EDN1: variants seen among roughly 807,000 people sequenced by gnomAD.
The protein encoded by EDN1 is endothelin-1.
A neutral mutation model predicts 21.7 loss-of-function variants in EDN1; 11 were observed. The observed-to-expected ratio is 0.51, with a 90% CI of 0.32 to 0.84. EDN1 has a LOEUF of 0.84. EDN1 is among the 40% of genes least tolerant of loss of function. The pLI is 0.03. For missense variants in EDN1, 244 were observed against 262.3 expected (o/e 0.93, Z 0.48); for synonymous variants, 85 against 90.6 (o/e 0.94, Z 0.35).
chr6:12,258,005 T>C, the EDN1 span, among the ~76,000 whole-genome samples: 1 of 152,056 alleles, frequency 6.6e-6, no homozygotes, highest in African/African-American at 2.4e-5. Flanking sequence ...TATTTGCACA[T>C]GAGGAGTGCA....
chr6:12,256,880 T>G, the EDN1 span, among the ~76,000 whole-genome samples: 1 of 152,242 alleles, frequency 6.6e-6, no homozygotes, highest in South Asian at 2.1e-4. Context: ...AAGCTGTGAC[T>G]ATTTCAGGAG....
At chr6:12,273,173 C>G in the EDN1 span, among the ~76,000 whole-genome samples, 7 of 152,304 alleles carry the variant, frequency 4.6e-5, no homozygotes, top group Admixed American at 2.6e-4. Context: ...CAGAGGAGGC[C>G]TCCCCAGGAA....
At chr6:12,230,626 G>C in the EDN1 span, among the ~76,000 whole-genome samples, 1 of 152,156 alleles carries the variant, frequency 6.6e-6, no homozygotes. Flanking sequence ...CCTGTTTACA[G>C]GATAAGGGCT....
chr6:12,256,943 G>T, the EDN1 span, among the ~76,000 whole-genome samples: 4 of 152,124 alleles, frequency 2.6e-5, no homozygotes, highest in Non-Finnish European at 5.9e-5. Context: ...ATTAAAGGCA[G>T]AATAGCACAT....
the EDN1 span, among the ~76,000 whole-genome samples, chr6:12,261,745 G>A: frequency 6.6e-6 from 1 of 152,170 alleles, no homozygotes; most frequent in African/African-American, 2.4e-5. Flanking sequence ...AGGCGGCGGC[G>A]CATGTATTTA....
the EDN1 span, among the ~76,000 whole-genome samples, chr6:12,240,001 G>A: frequency 6.6e-6 from 1 of 152,264 alleles, no homozygotes; most frequent in South Asian, 2.1e-4. Context: ...TGGAACAGAG[G>A]TTATAAAGTA....
chr6:12,259,182 G>C, the EDN1 span, among the ~76,000 whole-genome samples: 1 of 151,850 alleles, frequency 6.6e-6, no homozygotes, highest in Admixed American at 6.6e-5. Context: ...ACTGGCTAAT[G>C]CATTAAATCA....
At chr6:12,238,147 G>GGGT in the EDN1 span, among the ~76,000 whole-genome samples, 30 of 149,534 alleles carry the variant, frequency 2.0e-4, no homozygotes, top group Middle Eastern at 3.4e-3. Context: ...ACTCCAGCCT[G>GGGT]GGTGACAGGG....
the EDN1 span, among the ~76,000 whole-genome samples, chr6:12,265,852 A>C: frequency 6.6e-6 from 1 of 152,214 alleles, no homozygotes; most frequent in Non-Finnish European, 1.5e-5. Context: ...CAGAACATAC[A>C]TGAATGGGGA....
At chr6:12,245,950 C>T in the EDN1 span, among the ~76,000 whole-genome samples, 2 of 152,174 alleles carry the variant, frequency 1.3e-5, no homozygotes, top group Non-Finnish European at 2.9e-5. Context: ...ACAGAATCTC[C>T]TCTGTGTGTC....
At chr6:12,245,397 AG>A in the EDN1 span, among the ~76,000 whole-genome samples, 2 of 152,236 alleles carry the variant, frequency 1.3e-5, no homozygotes, top group Non-Finnish European at 2.9e-5. Flanking sequence ...TTGGCCAGCC[AG>A]ACTCAGCAAA....
chr6:12,235,220 C>T, the EDN1 span, among the ~76,000 whole-genome samples: 1 of 152,176 alleles, frequency 6.6e-6, no homozygotes. Context: ...TTCTAAAGTA[C>T]AGCGCAATTG....
the EDN1 span, among the ~76,000 whole-genome samples, chr6:12,267,355 T>C: frequency 6.6e-6 from 1 of 152,208 alleles, no homozygotes; most frequent in Non-Finnish European, 1.5e-5. Context: ...AGGAGTAATT[T>C]TGACTTTCAA....
At chr6:12,292,314 C>T in intron 1 of EDN1, 27 bp from the exon 2 acceptor site, 1 of 1,612,780 alleles carries the variant, frequency 6.2e-7, no homozygotes, top group Non-Finnish European at 8.5e-7. Flanking sequence ...GAGACATCCC[C>T]CACTGACCTG....
chr6:12,238,058 G>C, the EDN1 span, among the ~76,000 whole-genome samples: 1 of 151,356 alleles, frequency 6.6e-6, no homozygotes, highest in South Asian at 2.1e-4. Flanking sequence ...TGTCATCCCA[G>C]CTACTCGGGA....
At chr6:12,295,908 C>T (rs1182225478) in intron 4 of EDN1, 54 bp from the exon 5 acceptor site, 3 of 1,568,082 alleles carry the variant, frequency 1.9e-6, no homozygotes, top group Non-Finnish European at 2.6e-6. Flanking sequence ...TTTCTTTTGC[C>T]AAAGGGTGAT....
intron 2 of EDN1, among the ~76,000 whole-genome samples, chr6:12,293,581 A>G (rs538947591): frequency 2.0e-5 from 3 of 152,374 alleles, no homozygotes; most frequent in Admixed American, 6.5e-5. Flanking sequence ...ACCCACAAAT[A>G]GTTAACTAAA....
chr6:12,264,392 A>T, the EDN1 span, among the ~76,000 whole-genome samples: 1 of 152,138 alleles, frequency 6.6e-6, no homozygotes, highest in East Asian at 1.9e-4. Context: ...ATGGTTCTGA[A>T]GGACAGAATA....
the EDN1 span, among the ~76,000 whole-genome samples, chr6:12,256,334 C>T: frequency 3.9e-5 from 6 of 152,214 alleles, no homozygotes; most frequent in African/African-American, 1.4e-4. Context: ...GCGTGGGCAA[C>T]AGAGTGAGAT....
Sources: allele counts gnomAD v4.1 joint callset (sites outside exome capture counted in the v4.1 genomes callset), GRCh38; gene constraint gnomAD v4.1.1; transcripts MANE v1.5; gene names NCBI Gene and HGNC (gene_info 2026-07-23, HGNC 2026-07-21).